The following NPHP1 variants were observed in gnomAD, a reference collection of about 807,000 sequenced individuals.
NPHP1 encodes the protein nephrocystin 1, also known as nephrocystin-1.
In NPHP1, 70 loss-of-function variants were observed where a neutral mutation model predicts 90.4. The observed-to-expected ratio is 0.77, with a 90% CI of 0.64 to 0.95. NPHP1 has a LOEUF of 0.95. Ranked by LOEUF, NPHP1 falls within the 40% of genes least tolerant of loss-of-function variation. The probability of loss-of-function intolerance (pLI) is 0.00; values close to 1 mark genes in which losing one functional copy is unlikely to be tolerated. For synonymous variants in NPHP1, 256 were observed against 271.7 expected, an observed-to-expected ratio of 0.94 and a Z score of 0.57; for missense variants, 764 against 795.9, an observed-to-expected ratio of 0.96 and a Z score of 0.48.
chr2:110,202,235 GCACATACTTCTTTGGT>G, intron 1 of NPHP1: 1 of 262,636 alleles, frequency 3.8e-6, no homozygotes, highest in Non-Finnish European at 8.0e-6. Flanking sequence ...CTCCAAAAAG[GCACATACTTCTTTGGT>G]CTGTTTTCTA....
intron 13 of NPHP1, 56 bp from the exon 14 acceptor site, chr2:110,146,891 G>A: frequency 1.6e-6 from 2 of 1,236,206 alleles, no homozygotes; most frequent in Non-Finnish European, 2.4e-6. Context: ...AAATTTATAA[G>A]CACATACCAA....
At chr2:110,155,167 C>T (rs1681796103) in intron 11 of NPHP1, among the ~76,000 whole-genome samples, 1 of 152,136 alleles carries the variant, frequency 6.6e-6, no homozygotes, top group Non-Finnish European at 1.5e-5. Flanking sequence ...GGTGCAAGCC[C>T]AAACTCTTGG....
intron 2 of NPHP1, among the ~76,000 whole-genome samples, chr2:110,187,093 T>C (rs995722003): frequency 6.6e-6 from 1 of 151,926 alleles, no homozygotes; most frequent in Non-Finnish European, 1.5e-5. Flanking sequence ...GTTAACAACC[T>C]AACATCTCAA....
In NPHP1 at chr2:110,125,169, G is replaced by C. The variant is rs917877629; in HGVS notation, c.1761+468C>G. 16 of 1,521,258 alleles carry C rather than the reference G, an allele frequency of 1.1e-5. No individual in the cohort carries two copies. In the Middle Eastern group the frequency reaches 1.7e-3, roughly 161 times the overall value. 94.2% of individuals were successfully genotyped at this position (1,521,258 alleles called of 1,614,324 possible). ...CCCATTTGCCAAATCCTGGATGAGAGCAGTCAAACCACGACTCACCGATTA... is the reference window on the plus strand; with the variant it reads ...CCCATTTGCCAAATCCTGGATGAGACCAGTCAAACCACGACTCACCGATTA... On this transcript the variant is annotated intron_variant, in intron 19 of 19. Coordinates refer to ENST00000445609, the MANE Select transcript of NPHP1 (RefSeq NM_001128178.3).
At chr2:110,168,900 A>G (rs1682909764) in intron 5 of NPHP1, among the ~76,000 whole-genome samples, 1 of 152,266 alleles carries the variant, frequency 6.6e-6, no homozygotes, top group South Asian at 2.1e-4. Context: ...GAATGTTTTA[A>G]TATCTCTGGA....
intron 2 of NPHP1, among the ~76,000 whole-genome samples, chr2:110,194,526 A>C (rs1574199788): frequency 6.6e-6 from 1 of 152,080 alleles, no homozygotes; most frequent in East Asian, 1.9e-4. Context: ...TAGCTTACCA[A>C]CCAAAAAAAG....
At chr2:110,188,070 G>A (rs904188209) in intron 2 of NPHP1, among the ~76,000 whole-genome samples, 1 of 152,082 alleles carries the variant, frequency 6.6e-6, no homozygotes, top group African/African-American at 2.4e-5. Context: ...TACTGAATGG[G>A]CAAATGCTTG....
intron 16 of NPHP1, among the ~76,000 whole-genome samples, chr2:110,137,110 T>C (rs1680258215): frequency 6.6e-6 from 1 of 152,086 alleles, no homozygotes; most frequent in Non-Finnish European, 1.5e-5. Context: ...CTGGGAAAAC[T>C]GGCTAGCCAT....
intron 18 of NPHP1, chr2:110,125,991 T>G: frequency 2.5e-6 from 1 of 401,366 alleles, no homozygotes; most frequent in Non-Finnish European, 4.6e-6. Context: ...ACCTGAATAA[T>G]AAAATAGTAT....
intron 6 of NPHP1, among the ~76,000 whole-genome samples, chr2:110,165,901 G>A (rs1682695288): frequency 6.6e-6 from 1 of 152,010 alleles, no homozygotes; most frequent in African/African-American, 2.4e-5. Context: ...CAAGTAAAAA[G>A]CACTCACACA....
At chr2:110,144,630 T>A in intron 14 of NPHP1, 61 bp from the exon 15 acceptor site, 1 of 956,114 alleles carries the variant, frequency 1.0e-6, no homozygotes, top group Non-Finnish European at 1.7e-6. Flanking sequence ...AACACTGGAG[T>A]CAGTAGTTAA....
chr2:110,184,906 G>A, intron 2 of NPHP1: 1 of 691,192 alleles, frequency 1.4e-6, no homozygotes, highest in Non-Finnish European at 2.7e-6. Context: ...GCATCCACAA[G>A]GTCCTGGTGT....
At chr2:110,124,093 T>A in intron 19 of NPHP1, 30 bp from the exon 20 acceptor site, 1 of 1,610,690 alleles carries the variant, frequency 6.2e-7, no homozygotes, top group Non-Finnish European at 8.5e-7. Context: ...ACAAATAACA[T>A]TGTTATTTTT....
chr2:110,203,483 C>T (rs1202571237), intron 1 of NPHP1, among the ~76,000 whole-genome samples: 1 of 152,074 alleles, frequency 6.6e-6, no homozygotes. Context: ...AGTCAATGCC[C>T]CATCAAGTTT....
At chr2:110,195,928 T>C (rs1204132610) in intron 2 of NPHP1, among the ~76,000 whole-genome samples, 6 of 152,156 alleles carry the variant, frequency 3.9e-5, no homozygotes, top group African/African-American at 1.4e-4. Context: ...TAATAAATGG[T>C]GCTGGGAAAA....
rs1260488262 is a variant in NPHP1 at position 110,123,391 on chromosome 2, T to C, written c.*400A>G. ...TTTTATTAACACTCATAAATTTAAA[T>C]ATTTTGGATACTAGACCTTTATCAG... On this transcript the variant is annotated 3_prime_UTR_variant, in exon 20 of 20. Transcript: ENST00000445609. 1 of 169,970 alleles carries C rather than the reference T, an allele frequency of 5.9e-6. No homozygotes were observed. Among genetic ancestry groups the C allele is most frequent in the Admixed American group, 5.7e-5 (1 of 17,514 alleles). The allele number at this position is 169,970 out of a possible 1,614,324, so 10.5% of individuals were successfully genotyped here.
chr2:110,160,132 T>C lies in NPHP1; in HGVS notation c.1078A>G (p.Asn360Asp), dbSNP rs371606709. ...TTACTTCTCAGTAACCTTACCTTATTACCATCAAATAGACAGAGGCGTACA... is the reference window on the plus strand; with the variant it reads ...TTACTTCTCAGTAACCTTACCTTATCACCATCAAATAGACAGAGGCGTACA... Reference protein sequence around the residue: ...RHVRLCLFDGNKVLSNIHTVR... With the variant: ...RHVRLCLFDGDKVLSNIHTVR... The change falls in exon 11 of 20, where the codon AAT (asparagine) becomes GAT (aspartate). Residue 360 changes from asparagine (N) to aspartate (D), a missense_variant. Asn to Asp is a conservative substitution (Grantham distance 23). Coordinates refer to ENST00000445609, the MANE Select transcript of NPHP1 (RefSeq NM_001128178.3). The C allele has an allele frequency of 5.6e-6, 9 of 1,612,914 alleles. No homozygotes were observed. The African/African-American group carries it at 1.2e-4, about 22-fold the overall frequency.
chr2:110,153,015 C>G lies in NPHP1; in HGVS notation c.1084-2759G>C, dbSNP rs141159932. Among the ~76,000 whole-genome samples, 11 of 151,894 alleles carry G rather than the reference C, an allele frequency of 7.2e-5. 1 individual carries two copies. The highest frequency in any genetic ancestry group is 1.6e-4 in the Non-Finnish European group (11 of 67,974). ...CCAAAGAAATTCATGCCAGATACAC[C>G]GTAAACTTCTGAAAACTGAAACACA... On this transcript the variant is annotated intron_variant, in intron 11 of 19. Coordinates refer to ENST00000445609, the MANE Select transcript of NPHP1 (RefSeq NM_001128178.3).
At chr2:110,146,340 ACCGTGGTTG>A (rs1263447557) in intron 14 of NPHP1, among the ~76,000 whole-genome samples, 1 of 152,084 alleles carries the variant, frequency 6.6e-6, no homozygotes. Context: ...TAAATCATTT[ACCGTGGTTG>A]CCACTGTGAT....
Sources: allele counts gnomAD v4.1 joint callset (sites outside exome capture counted in the v4.1 genomes callset), GRCh38; gene constraint gnomAD v4.1.1; transcripts MANE v1.5; gene names NCBI Gene and HGNC (gene_info 2026-07-23, HGNC 2026-07-21).